The following EEPD1 variants were observed in gnomAD, a reference collection of about 807,000 sequenced individuals.
The protein encoded by EEPD1 is endonuclease/exonuclease/phosphatase family domain containing 1.
Under a neutral mutation model 46.3 loss-of-function variants are expected in EEPD1, and 17 were observed. The observed-to-expected ratio is 0.37, with a 90% CI of 0.25 to 0.55. The LOEUF (loss-of-function observed/expected upper bound fraction) is 0.55, where lower values mean the gene tolerates loss of function less well. Among genes scored for constraint, EEPD1 ranks in the 20% least tolerant of loss-of-function variants. The pLI is 0.83. For synonymous variants in EEPD1, 313 were observed against 315.6 expected (o/e 0.99, Z 0.09); for missense variants, 673 against 745.6 (o/e 0.90, Z 1.13).
intron 6 of EEPD1, among the ~76,000 whole-genome samples, chr7:36,294,375 A>G (rs1039680645): frequency 5.9e-5 from 9 of 152,354 alleles, no homozygotes; most frequent in African/African-American, 2.2e-4. Context: ...ACAGGCCAGT[A>G]TTACAATTTA....
chr7:36,236,953 T>G (rs1786458741), intron 2 of EEPD1, among the ~76,000 whole-genome samples: 1 of 152,252 alleles, frequency 6.6e-6, no homozygotes, highest in Non-Finnish European at 1.5e-5. Context: ...TACCAGGCTG[T>G]GGAAGCTTCG....
Position 36,233,159 on chromosome 7 carries a change from A to G in EEPD1, c.879-5826A>G, listed in dbSNP as rs186560925. 1.4e-3 allele frequency among the ~76,000 whole-genome samples: 215 copies of G among 152,338 alleles called. 1 individual carries two copies. The highest frequency in any genetic ancestry group is 4.6e-3 in the African/African-American group (192 of 41,584). On this transcript the variant is annotated intron_variant, in intron 2 of 7. Coordinates refer to ENST00000242108, the MANE Select transcript of EEPD1 (RefSeq NM_030636.3). ...TACAACTGGATAGTCCTAACTTAGC[A>G]TATAAGTTGCTGTCCAGATTGGTAA...
intron 3 of EEPD1, among the ~76,000 whole-genome samples, chr7:36,248,470 G>T (rs1786676652): frequency 6.7e-6 from 1 of 148,682 alleles, no homozygotes; most frequent in African/African-American, 2.5e-5. Flanking sequence ...GCCTCCCAAA[G>T]TGCTGGGATT....
intron 3 of EEPD1, among the ~76,000 whole-genome samples, chr7:36,239,917 T>C (rs574187189): frequency 6.6e-6 from 1 of 152,212 alleles, no homozygotes; most frequent in Non-Finnish European, 1.5e-5. Flanking sequence ...ACCCAAACGA[T>C]ATTCATTTGT....
At chr7:36,275,957 A>G (rs1787176182) in intron 3 of EEPD1, among the ~76,000 whole-genome samples, 1 of 152,184 alleles carries the variant, frequency 6.6e-6, no homozygotes, top group Admixed American at 6.5e-5. Context: ...ACACAGCTCA[A>G]GGGTGTAGCC....
intron 3 of EEPD1, among the ~76,000 whole-genome samples, chr7:36,239,916 A>C (rs1432918974): frequency 2.6e-5 from 4 of 152,120 alleles, no homozygotes; most frequent in Non-Finnish European, 5.9e-5. Context: ...CACCCAAACG[A>C]TATTCATTTG....
rs148864444 is a variant in EEPD1 at position 36,293,628 on chromosome 7, C to T, written c.1316-3365C>T. On this transcript the variant is annotated intron_variant, in intron 6 of 7. Transcript: ENST00000242108. ...ACTTTTGGGGCTTCCTACAGGATCT[C>T]ATTTGAGAAAAGGAACACCCCCACC... 1.4e-4 allele frequency among the ~76,000 whole-genome samples: 22 copies of T among 152,242 alleles called. No homozygotes were observed. The East Asian group carries it at 3.9e-3, about 27-fold the overall frequency.
At chr7:36,278,610 A>G (rs1417950342) in intron 3 of EEPD1, among the ~76,000 whole-genome samples, 1 of 152,152 alleles carries the variant, frequency 6.6e-6, no homozygotes, top group African/African-American at 2.4e-5. Context: ...ACAGTGAAGC[A>G]CCAGCTGGGC....
At chr7:36,247,077 C>T (rs537392242) in intron 3 of EEPD1, among the ~76,000 whole-genome samples, 16 of 147,600 alleles carry the variant, frequency 1.1e-4, no homozygotes, top group South Asian at 8.4e-4. Context: ...GAGCTGAGAT[C>T]GCACCATTGC....
At chr7:36,216,631 C>T (rs1442718168) in intron 2 of EEPD1, among the ~76,000 whole-genome samples, 2 of 152,008 alleles carry the variant, frequency 1.3e-5, no homozygotes, top group African/African-American at 2.4e-5. Context: ...TTCACCAAAG[C>T]GAAAAATGTG....
intron 2 of EEPD1, among the ~76,000 whole-genome samples, chr7:36,216,194 AG>A (rs1562690136): frequency 6.6e-6 from 1 of 152,194 alleles, no homozygotes; most frequent in African/African-American, 2.4e-5. Flanking sequence ...AGGAGAGAAG[AG>A]GTTCCAAAGC....
intron 2 of EEPD1, among the ~76,000 whole-genome samples, chr7:36,199,751 A>G (rs1350949314): frequency 6.6e-6 from 1 of 152,102 alleles, no homozygotes; most frequent in Non-Finnish European, 1.5e-5. Context: ...TTCAAAAGCT[A>G]TGGTGGTTCC....
intron 2 of EEPD1, among the ~76,000 whole-genome samples, chr7:36,176,874 G>C (rs942817503): frequency 6.6e-6 from 1 of 152,208 alleles, no homozygotes; most frequent in African/African-American, 2.4e-5. Flanking sequence ...AAGCTGCCTG[G>C]TTCTCCTCAA....
chr7:36,191,480 C>T (rs886227746), intron 2 of EEPD1, among the ~76,000 whole-genome samples: 11 of 152,166 alleles, frequency 7.2e-5, no homozygotes, highest in Admixed American at 3.9e-4. Flanking sequence ...CTGGAACCAC[C>T]AGTGATGCTG....
chr7:36,169,590 G>GA (rs1785043089), intron 2 of EEPD1, among the ~76,000 whole-genome samples: 2 of 152,228 alleles, frequency 1.3e-5, no homozygotes, highest in Non-Finnish European at 1.5e-5. Flanking sequence ...TTTCTAAGCT[G>GA]AAAAAATACA....
intron 2 of EEPD1, among the ~76,000 whole-genome samples, chr7:36,170,158 A>G (rs961453513): frequency 1.3e-5 from 2 of 152,180 alleles, no homozygotes; most frequent in African/African-American, 4.8e-5. Flanking sequence ...TAATCCCAGC[A>G]CTTTGCGAGG....
intron 3 of EEPD1, among the ~76,000 whole-genome samples, chr7:36,239,403 T>C (rs1310306876): frequency 1.3e-5 from 2 of 152,078 alleles, no homozygotes; most frequent in Non-Finnish European, 2.9e-5. Flanking sequence ...TTCTGCTTGC[T>C]GTGTGTTATT....
chr7:36,227,275 A>G (rs1786246414), intron 2 of EEPD1, among the ~76,000 whole-genome samples: 1 of 152,250 alleles, frequency 6.6e-6, no homozygotes, highest in Non-Finnish European at 1.5e-5. Context: ...TTTCCTGCCC[A>G]GATTGTTTTG....
At chr7:36,226,551 C>T (rs963309450) in intron 2 of EEPD1, among the ~76,000 whole-genome samples, 1 of 152,188 alleles carries the variant, frequency 6.6e-6, no homozygotes, top group Admixed American at 6.5e-5. Context: ...TACTCAAATG[C>T]TTGGGAAATG....
Sources: allele counts gnomAD v4.1 joint callset (sites outside exome capture counted in the v4.1 genomes callset), GRCh38; gene constraint gnomAD v4.1.1; transcripts MANE v1.5; gene names NCBI Gene and HGNC (gene_info 2026-07-23, HGNC 2026-07-21).